The following ABI1 variants were observed in gnomAD, a reference collection of about 807,000 sequenced individuals.
ABI1 encodes Abelson interactor 1.
ABI1 carries 14 observed loss-of-function variants against 54.6 expected under a neutral mutation model. That is an observed-to-expected ratio of 0.26 (90% confidence interval 0.17 to 0.40). The LOEUF (loss-of-function observed/expected upper bound fraction) is 0.40. ABI1 is among the 10% of genes least tolerant of loss of function. The pLI, the probability that ABI1 is intolerant of heterozygous loss-of-function variation, is 1.00. For missense variants in ABI1, 443 were observed against 598.3 expected (o/e 0.74, Z 2.71); for synonymous variants, 194 against 209.3 (o/e 0.93, Z 0.63).
intron 2 of ABI1, among the ~76,000 whole-genome samples, chr10:26,809,962 A>G (rs2047124025): frequency 6.6e-6 from 1 of 152,222 alleles, no homozygotes; most frequent in Admixed American, 6.5e-5. Flanking sequence ...ATTAAATAAA[A>G]TCGTAATCAT....
chr10:26,854,760 C>T (rs540794565), intron 1 of ABI1, among the ~76,000 whole-genome samples: 1 of 152,268 alleles, frequency 6.6e-6, no homozygotes, highest in Non-Finnish European at 1.5e-5. Context: ...ACTGTTTTTC[C>T]CCAAACCTGG....
At chr10:26,843,875 T>C (rs1047934360) in intron 1 of ABI1, among the ~76,000 whole-genome samples, 1 of 152,116 alleles carries the variant, frequency 6.6e-6, no homozygotes, top group Non-Finnish European at 1.5e-5. Context: ...CATACAAAAG[T>C]GATTGATTCA....
chr10:26,821,223 C>T (rs1286880361), intron 2 of ABI1, among the ~76,000 whole-genome samples: 2 of 127,874 alleles, frequency 1.6e-5, no homozygotes, highest in Non-Finnish European at 3.2e-5. Flanking sequence ...CCAGCCTGGG[C>T]ATCAGAGCAA....
At chr10:26,789,541 C>T (rs966926200) in intron 2 of ABI1, among the ~76,000 whole-genome samples, 2 of 151,984 alleles carry the variant, frequency 1.3e-5, no homozygotes, top group African/African-American at 2.4e-5. Context: ...TTTGAAATTA[C>T]GCAGTGGTTC....
intron 2 of ABI1, among the ~76,000 whole-genome samples, chr10:26,819,428 C>T (rs918458443): frequency 3.3e-5 from 5 of 152,078 alleles, no homozygotes; most frequent in East Asian, 1.9e-4. Flanking sequence ...CTTCAAAATA[C>T]GTAACAGAAA....
chr10:26,839,330 C>T (rs1431474047), intron 1 of ABI1, among the ~76,000 whole-genome samples: 1 of 151,844 alleles, frequency 6.6e-6, no homozygotes, highest in African/African-American at 2.4e-5. Flanking sequence ...AACCTCATCT[C>T]TACAAAAATA....
chr10:26,860,014 G>A lies in ABI1; in HGVS notation c.117+733C>T, dbSNP rs2051166506. On this transcript the variant is annotated intron_variant, in intron 1 of 10. Coordinates refer to ENST00000376140, the MANE Select transcript of ABI1 (RefSeq NM_001012750.3). The surrounding 1 kb of genome is among the most constrained non-coding windows in gnomAD (Gnocchi z 4.1). ...AGGGGGAAAAAAATAAAAAAAACCC[G>A]ACTTGAAAATGGACAAGCAGACAGA... Among the ~76,000 whole-genome samples the A allele has an allele frequency of 6.6e-6, 1 of 151,972 alleles. No individual in the cohort carries two copies. Among genetic ancestry groups the A allele is most frequent in the African/African-American group, 2.4e-5 (1 of 41,392 alleles).
At chr10:26,801,476 C>T (rs1397802712) in intron 2 of ABI1, among the ~76,000 whole-genome samples, 2 of 151,114 alleles carry the variant, frequency 1.3e-5, no homozygotes, top group African/African-American at 2.4e-5. Context: ...GAGCCCGGGA[C>T]GCAGAGGTTG....
intron 2 of ABI1, among the ~76,000 whole-genome samples, chr10:26,794,221 C>G (rs1843831747): frequency 6.6e-6 from 1 of 152,012 alleles, no homozygotes; most frequent in Non-Finnish European, 1.5e-5. Flanking sequence ...CCAGCCTGAG[C>G]AACCCTGTCT....
chr10:26,774,029 G>A (rs1021857373), intron 3 of ABI1, among the ~76,000 whole-genome samples: 1 of 152,084 alleles, frequency 6.6e-6, no homozygotes, highest in Non-Finnish European at 1.5e-5. Context: ...GTATATCAAG[G>A]AGGCTTGGTT....
chr10:26,764,710 T>C (rs181245531), intron 7 of ABI1, among the ~76,000 whole-genome samples: 11 of 152,324 alleles, frequency 7.2e-5, no homozygotes, highest in African/African-American at 2.4e-5. Context: ...GTCCTGAACA[T>C]GTGCAGACTT....
intron 1 of ABI1, among the ~76,000 whole-genome samples, chr10:26,840,094 T>C (rs1191884157): frequency 1.3e-5 from 2 of 152,228 alleles, no homozygotes; most frequent in Non-Finnish European, 2.9e-5. Flanking sequence ...TGCTGTAGTT[T>C]AGATGTTTGT....
At chr10:26,824,069 C>T (rs1057386943) in intron 1 of ABI1, among the ~76,000 whole-genome samples, 13 of 151,580 alleles carry the variant, frequency 8.6e-5, no homozygotes, top group Admixed American at 7.9e-4. Flanking sequence ...AATGGTCTCA[C>T]GTCCCTTCCA....
intron 2 of ABI1, among the ~76,000 whole-genome samples, chr10:26,786,317 G>A (rs1224281033): frequency 3.3e-5 from 5 of 151,510 alleles, no homozygotes; most frequent in Non-Finnish European, 7.4e-5. Context: ...AGGTTCAAGC[G>A]ATTCTCATGT....
intron 1 of ABI1, among the ~76,000 whole-genome samples, chr10:26,854,422 T>A (rs2050652039): frequency 6.6e-6 from 1 of 150,926 alleles, no homozygotes; most frequent in Non-Finnish European, 1.5e-5. Flanking sequence ...AGAACTGATA[T>A]GCTGGGTTCA....
At chr10:26,830,634 A>AC (rs1280381923) in intron 1 of ABI1, among the ~76,000 whole-genome samples, 5 of 151,754 alleles carry the variant, frequency 3.3e-5, no homozygotes, top group African/African-American at 4.8e-5. Context: ...TAAAAAAAAA[A>AC]AAAAAAACAA....
chr10:26,747,667 TA>T lies in ABI1; in HGVS notation c.*902del. ...ATTTTCTTAGTTTCAAAAGATTATT[TA>T]AAAAAGGAATTCAGTAGATTGACTT... On this transcript the variant is annotated 3_prime_UTR_variant, in exon 11 of 11. Coordinates refer to ENST00000376140, the MANE Select transcript of ABI1 (RefSeq NM_001012750.3). The T allele has an allele frequency of 5.1e-6, 1 of 197,464 alleles. No homozygotes were observed. Among genetic ancestry groups the T allele is most frequent in the Non-Finnish European group, 1.0e-5 (1 of 95,336 alleles). 12.2% of individuals were successfully genotyped at this position (197,464 alleles called of 1,614,324 possible).
chr10:26,803,617 G>A (rs1391218874), intron 2 of ABI1, among the ~76,000 whole-genome samples: 2 of 152,172 alleles, frequency 1.3e-5, no homozygotes, highest in Non-Finnish European at 2.9e-5. Context: ...ATCACATTAA[G>A]TCATCTGTTT....
intron 2 of ABI1, among the ~76,000 whole-genome samples, chr10:26,782,902 C>T (rs145425550): frequency 4.6e-5 from 7 of 152,254 alleles, no homozygotes; most frequent in African/African-American, 1.7e-4. Flanking sequence ...CACTTGCAGT[C>T]ACTCTGAAAC....
Sources: gnomAD v4.1 joint callset for allele counts (sites outside exome capture counted in the v4.1 genomes callset) on GRCh38, gnomAD v4.1.1 for gene constraint, Gnocchi (gnomAD v3.1) non-coding constraint, MANE v1.5 for transcripts, NCBI Gene and HGNC (gene_info 2026-07-23, HGNC 2026-07-21) for gene names.